LYPD6: variants seen among roughly 807,000 people sequenced by gnomAD.
The protein encoded by LYPD6 is LY6/PLAUR domain containing 6, also known as ly6/PLAUR domain-containing protein 6.
A neutral mutation model predicts 22.7 loss-of-function variants in LYPD6; 15 were observed. The observed-to-expected ratio is 0.66, with a 90% confidence interval of 0.44 to 1.02. The LOEUF is 1.02. Among genes scored for constraint, LYPD6 ranks in the 50% least tolerant of loss-of-function variants. LYPD6 has a pLI of 0.00. For missense variants in LYPD6, 189 were observed against 208.4 expected (o/e 0.91, Z 0.57); for synonymous variants, 72 against 77.5 (o/e 0.93, Z 0.37).
intron 3 of LYPD6, among the ~76,000 whole-genome samples, chr2:149,460,989 G>A (rs370236881): frequency 1.6e-4 from 24 of 152,062 alleles, no homozygotes; most frequent in East Asian, 3.9e-4. Context: ...TGCTGAGGCC[G>A]AAATTTATAG....
chr2:149,351,984 G>C (rs1203872786), intron 1 of LYPD6, among the ~76,000 whole-genome samples: 1 of 152,116 alleles, frequency 6.6e-6, no homozygotes, highest in African/African-American at 2.4e-5. Flanking sequence ...GCCAGTATCA[G>C]AAGCTGTCCC....
chr2:149,476,442 TG>T (rs2105190135), downstream of LYPD6, among the ~76,000 whole-genome samples: 1 of 152,330 alleles, frequency 6.6e-6, no homozygotes, highest in East Asian at 1.9e-4. Context: ...TCGGGGTTTA[TG>T]GCATGTCCCA....
At chr2:149,371,680 G>T (rs1036485932) in intron 1 of LYPD6, among the ~76,000 whole-genome samples, 1 of 152,158 alleles carries the variant, frequency 6.6e-6, no homozygotes, top group Admixed American at 6.5e-5. Context: ...CAGAACCCGT[G>T]CCTGGCACTT....
intron 1 of LYPD6, among the ~76,000 whole-genome samples, chr2:149,345,265 A>G (rs1044615972): frequency 2.0e-5 from 3 of 150,626 alleles, no homozygotes; most frequent in African/African-American, 4.9e-5. Flanking sequence ...ACTGTAGGCT[A>G]TGTGTTTGGT....
chr2:149,411,795 G>A (rs1015118319), intron 1 of LYPD6, among the ~76,000 whole-genome samples: 4 of 152,096 alleles, frequency 2.6e-5, no homozygotes, highest in African/African-American at 9.7e-5. Context: ...CACTCCCTTA[G>A]TGATGGCTCT....
chr2:149,389,363 T>A (rs947663645), intron 1 of LYPD6, among the ~76,000 whole-genome samples: 5 of 152,112 alleles, frequency 3.3e-5, no homozygotes, highest in African/African-American at 1.2e-4. Context: ...TTACTGAAAT[T>A]AAGACACCTG....
At chr2:149,351,408 A>G (rs13423137) in intron 1 of LYPD6, among the ~76,000 whole-genome samples, 3,621 of 150,932 alleles carry the variant, frequency 0.024, 136 homozygotes, top group African/African-American at 0.082. Flanking sequence ...AAAAAAAAAA[A>G]AAAAAAAGAA....
chr2:149,469,074 G>T (rs2270332), intron 4 of LYPD6, among the ~76,000 whole-genome samples: 15,739 of 152,208 alleles, frequency 0.1, 976 homozygotes, highest in African/African-American at 0.17. Context: ...AGAGGAGCAA[G>T]AGACCAGTTA....
chr2:149,453,842 A>G (rs1164196006), intron 3 of LYPD6, among the ~76,000 whole-genome samples: 7 of 152,206 alleles, frequency 4.6e-5, no homozygotes, highest in African/African-American at 1.7e-4. Flanking sequence ...CAGTTAGAAT[A>G]TAGCCCTCCA....
intron 1 of LYPD6, among the ~76,000 whole-genome samples, chr2:149,360,432 C>G (rs1681550041): frequency 6.6e-6 from 1 of 152,192 alleles, no homozygotes; most frequent in Non-Finnish European, 1.5e-5. Context: ...CCTCTGACAC[C>G]TCAGTGGCAT....
At chr2:149,470,455 CA>C (rs1279814318) in intron 4 of LYPD6, among the ~76,000 whole-genome samples, 4 of 152,146 alleles carry the variant, frequency 2.6e-5, no homozygotes, top group African/African-American at 9.7e-5. Flanking sequence ...GTGTCAAAAA[CA>C]AAACCTAGCT....
intron 1 of LYPD6, among the ~76,000 whole-genome samples, chr2:149,420,914 G>A (rs1559146108): frequency 6.6e-6 from 1 of 152,096 alleles, no homozygotes; most frequent in Non-Finnish European, 1.5e-5. Context: ...GCATTATAAG[G>A]TTTCCCAAAC....
chr2:149,348,203 A>G (rs4667438), intron 1 of LYPD6, among the ~76,000 whole-genome samples: 26,638 of 152,154 alleles, frequency 0.18, 3,025 homozygotes, highest in South Asian at 0.26. Context: ...ACAATAATAA[A>G]TGAAATGGAT....
At chr2:149,464,841 A>G (rs1681166394) in intron 3 of LYPD6, among the ~76,000 whole-genome samples, 1 of 152,216 alleles carries the variant, frequency 6.6e-6, no homozygotes, top group African/African-American at 2.4e-5. Flanking sequence ...GAAAAGTCTG[A>G]GCTGATTCCA....
chr2:149,406,386 C>T (rs1682708594), intron 1 of LYPD6, among the ~76,000 whole-genome samples: 3 of 151,490 alleles, frequency 2.0e-5, no homozygotes, highest in African/African-American at 7.3e-5. Context: ...TTGTAGGTCA[C>T]TCAGGACTTG....
In LYPD6 at chr2:149,437,659, C is replaced by T; in HGVS notation, c.-50C>T. On this transcript the variant is annotated 5_prime_UTR_variant, in exon 2 of 5. Coordinates refer to ENST00000334166, the MANE Select transcript of LYPD6 (RefSeq NM_194317.5). Reference sequence around the variant, plus strand: ...TCAGGTGCAAGTTCTCTCCTGTTGCCCTGAGTGCCCACTCCCAGGCCCTCT... The same window carrying T: ...TCAGGTGCAAGTTCTCTCCTGTTGCTCTGAGTGCCCACTCCCAGGCCCTCT... The T allele has an allele frequency of 1.2e-6, 2 of 1,606,350 alleles. No homozygotes were observed. The highest frequency in any genetic ancestry group is 8.5e-7 in the Non-Finnish European group (1 of 1,175,230).
At chr2:149,449,243 A>G in intron 3 of LYPD6, 96 bp downstream of exon 3, 1 of 720,034 alleles carries the variant, frequency 1.4e-6, no homozygotes, top group South Asian at 1.8e-5. Flanking sequence ...CATGCTTGCA[A>G]TCTCAGCTGC....
Position 149,470,820 on chromosome 2 carries a change from C to T in LYPD6, c.486C>T (p.Cys162=). The T allele has an allele frequency of 6.2e-7, 1 of 1,613,486 alleles. No homozygotes were observed. Among genetic ancestry groups the T allele is most frequent in the Non-Finnish European group, 8.5e-7 (1 of 1,179,668 alleles). The change falls in exon 5 of 5, where the codon TGC becomes TGT. Residue 162 remains cysteine, a synonymous_variant. Coordinates refer to ENST00000334166, the MANE Select transcript of LYPD6 (RefSeq NM_194317.5). ...HPRCMSVIVS[C]LWLWLGLML ...GCTGTATGTCAGTGATAGTGTCCTG[C>T]TTGTGGTTGTGGTTAGGGCTCATGT...
At chr2:149,408,115 C>T (rs531043538) in intron 1 of LYPD6, among the ~76,000 whole-genome samples, 1 of 152,032 alleles carries the variant, frequency 6.6e-6, no homozygotes, top group African/African-American at 2.4e-5. Context: ...GAGGAGTACC[C>T]GGCCGTGTGA....
Sources: gnomAD v4.1 joint callset for allele counts (sites outside exome capture counted in the v4.1 genomes callset) on GRCh38, gnomAD v4.1.1 for gene constraint, MANE v1.5 for transcripts, NCBI Gene and HGNC (gene_info 2026-07-23, HGNC 2026-07-21) for gene names.